The following LAPTM4B variants were observed in gnomAD, a reference collection of about 807,000 sequenced individuals.
The protein encoded by LAPTM4B is lysosomal protein transmembrane 4 beta, also known as lysosomal-associated transmembrane protein 4B.
Under a neutral mutation model 28.5 loss-of-function variants are expected in LAPTM4B, and 26 were observed. That is an observed-to-expected ratio of 0.91 (90% CI 0.67 to 1.27). LAPTM4B has a LOEUF of 1.27. Among genes scored for constraint, LAPTM4B ranks in the 50% most tolerant of loss-of-function variants. The pLI is 0.00. For synonymous variants in LAPTM4B, 109 were observed against 106.4 expected (o/e 1.02, Z -0.15); for missense variants, 288 against 285.8 (o/e 1.01, Z -0.06).
intron 6 of LAPTM4B, among the ~76,000 whole-genome samples, chr8:97,840,031 C>G (rs533563147): frequency 6.6e-6 from 1 of 151,930 alleles, no homozygotes; most frequent in African/African-American, 2.4e-5. Flanking sequence ...GGGATTGTAT[C>G]CCCCTGGAAC....
intron 1 of LAPTM4B, among the ~76,000 whole-genome samples, chr8:97,801,110 T>G (rs1242419832): frequency 1.3e-5 from 2 of 152,144 alleles, no homozygotes; most frequent in Non-Finnish European, 2.9e-5. Flanking sequence ...TTTTTTCATT[T>G]CAGCTTTAAA....
At position 97,812,096 on chromosome 8, in the gene LAPTM4B, G is replaced by A. The variant is rs970045193; in HGVS notation, c.212-3232G>A. Among the ~76,000 whole-genome samples the A allele has an allele frequency of 1.0e-3, 157 of 152,052 alleles. 1 individual carries two copies. Among genetic ancestry groups the A allele is most frequent in the Non-Finnish European group, 2.4e-4 (16 of 68,008 alleles). The stretch of plus-strand genomic sequence containing the variant: ...CCTGGGATTGCAGGAGTGAGCCACC[G>A]CGCCCGGCCTGGCTCTTTATTTTCA... On this transcript the variant is annotated intron_variant, in intron 2 of 6. Coordinates refer to ENST00000521545, the MANE Select transcript of LAPTM4B (RefSeq NM_018407.6).
intron 6 of LAPTM4B, 25 bp downstream of exon 6, chr8:97,825,178 G>A (rs1463637994): frequency 7.9e-7 from 1 of 1,269,232 alleles, no homozygotes; most frequent in East Asian, 2.3e-5. Flanking sequence ...ACTTATGGTA[G>A]AGATCTCGCC....
chr8:97,793,989 T>C (rs1816544255), intron 1 of LAPTM4B, among the ~76,000 whole-genome samples: 1 of 152,106 alleles, frequency 6.6e-6, no homozygotes, highest in Non-Finnish European at 1.5e-5. Flanking sequence ...TTTTTGTTTT[T>C]TGTTTTTTTT....
chr8:97,819,772 T>C (rs1816976169), intron 5 of LAPTM4B, among the ~76,000 whole-genome samples: 2 of 129,846 alleles, frequency 1.5e-5, no homozygotes, highest in African/African-American at 5.8e-5. Context: ...TCTCGCTCTG[T>C]CGCCCAGGTT....
In LAPTM4B at chr8:97,795,837, TA is replaced by T. The variant is rs1190473113; in HGVS notation, c.100-9494del. Among the ~76,000 whole-genome samples the T allele has an allele frequency of 8.3e-3, 943 of 114,130 alleles. 2 individuals are homozygous for T. Among genetic ancestry groups the T allele is most frequent in the Middle Eastern group, 8.5e-3 (2 of 234 alleles). 74.9% of individuals were successfully genotyped at this position (114,130 alleles called of 152,430 possible). On this transcript the variant is annotated intron_variant, in intron 1 of 6. Coordinates refer to ENST00000521545, the MANE Select transcript of LAPTM4B (RefSeq NM_018407.6). ...CAGCGACAAAGTGAGACTCTGTCTT[TA>T]AAAAAAAAAAAAAAAAAAAAAGATC... is the stretch of plus-strand genomic sequence containing the variant.
At chr8:97,829,693 C>CTT (rs534166331) in intron 6 of LAPTM4B, among the ~76,000 whole-genome samples, 17 of 147,004 alleles carry the variant, frequency 1.2e-4, no homozygotes, top group Non-Finnish European at 1.7e-4. Flanking sequence ...TCTTTTCTTT[C>CTT]TTCTTTTTTT....
intron 6 of LAPTM4B, among the ~76,000 whole-genome samples, chr8:97,847,770 G>A (rs191027399): frequency 2.6e-5 from 4 of 152,320 alleles, no homozygotes; most frequent in African/African-American, 4.8e-5. Flanking sequence ...CTAGTCCCAC[G>A]TGGAGAACCT....
chr8:97,821,125 C>G (rs1816995668), intron 5 of LAPTM4B, among the ~76,000 whole-genome samples: 1 of 151,932 alleles, frequency 6.6e-6, no homozygotes, highest in African/African-American at 2.4e-5. Flanking sequence ...ATCACGAGAT[C>G]AGGAGATCGA....
intron 6 of LAPTM4B, among the ~76,000 whole-genome samples, chr8:97,828,277 C>T (rs1817124731): frequency 6.6e-6 from 1 of 151,486 alleles, no homozygotes; most frequent in African/African-American, 2.4e-5. Context: ...GGCGTGGGTA[C>T]CTAAAGTGAG....
chr8:97,801,338 T>C (rs1030155415), intron 1 of LAPTM4B, among the ~76,000 whole-genome samples: 14 of 151,964 alleles, frequency 9.2e-5, no homozygotes, highest in African/African-American at 3.1e-4. Flanking sequence ...CACACTAACA[T>C]GTCCAGCTAA....
intron 1 of LAPTM4B, among the ~76,000 whole-genome samples, chr8:97,784,633 T>G (rs12678933): frequency 0.26 from 40,130 of 151,786 alleles, 5,437 homozygotes; most frequent in East Asian, 0.42. Context: ...AGAGATGAGG[T>G]TTCAACGTGG....
Position 97,852,832 on chromosome 8 carries a change from G to A in LAPTM4B, c.*1358G>A. The A allele has an allele frequency of 3.2e-6, 1 of 307,994 alleles. No homozygotes were observed. Among genetic ancestry groups the A allele is most frequent in the East Asian group, 8.1e-5 (1 of 12,420 alleles). 19.1% of individuals were successfully genotyped at this position (307,994 alleles called of 1,614,324 possible). A position where few individuals can be genotyped will look rare whatever the true frequency, so the allele number is the denominator to read the frequency against. ...AGTGAAAACTAATACACTATGAGAT[G>A]AAAAGTACTTGTCAGGGATTTTCAA... On this transcript the variant is annotated 3_prime_UTR_variant, in exon 7 of 7. Transcript: ENST00000521545.
At chr8:97,842,282 A>G in intron 6 of LAPTM4B, among the ~76,000 whole-genome samples, 1 of 151,880 alleles carries the variant, frequency 6.6e-6, no homozygotes, top group East Asian at 1.9e-4. Context: ...AAAACTTCTT[A>G]GCTCCCAGGC....
At chr8:97,828,091 C>G (rs1817121190) in intron 6 of LAPTM4B, among the ~76,000 whole-genome samples, 1 of 152,150 alleles carries the variant, frequency 6.6e-6, no homozygotes, top group African/African-American at 2.4e-5. Flanking sequence ...ATGGCTTGAC[C>G]ATGGTGCAGC....
intron 6 of LAPTM4B, among the ~76,000 whole-genome samples, chr8:97,835,206 G>C (rs1817242404): frequency 6.6e-6 from 1 of 152,216 alleles, no homozygotes; most frequent in Non-Finnish European, 1.5e-5. Flanking sequence ...AGGCCAGATA[G>C]CTTTTCTCCC....
At chr8:97,781,540 A>G (rs1469181846) in intron 1 of LAPTM4B, among the ~76,000 whole-genome samples, 1 of 152,016 alleles carries the variant, frequency 6.6e-6, no homozygotes, top group East Asian at 1.9e-4. Flanking sequence ...GGCCTCCCAC[A>G]GTGCTGGGAT....
At chr8:97,816,275 C>A in intron 4 of LAPTM4B, 95 bp downstream of exon 4, 1 of 1,228,964 alleles carries the variant, frequency 8.1e-7, no homozygotes, top group Non-Finnish European at 1.1e-6. Flanking sequence ...ACATTAATTT[C>A]AGGATTTTTA....
At chr8:97,784,811 T>C (rs1406943537) in intron 1 of LAPTM4B, among the ~76,000 whole-genome samples, 2 of 152,174 alleles carry the variant, frequency 1.3e-5, no homozygotes, top group African/African-American at 2.4e-5. Context: ...CAGTATGTTA[T>C]ATATAGCTCT....
Sources: gnomAD v4.1 joint callset for allele counts (sites outside exome capture counted in the v4.1 genomes callset) on GRCh38, gnomAD v4.1.1 for gene constraint, MANE v1.5 for transcripts, NCBI Gene and HGNC (gene_info 2026-07-23, HGNC 2026-07-21) for gene names.